Variants in CD5L observed in about 807,000 individuals in gnomAD.
The protein encoded by CD5L is CD5 molecule like.
In CD5L, 39 loss-of-function variants were observed where a neutral mutation model predicts 40.8. That is an observed-to-expected ratio of 0.96 (90% confidence interval 0.74 to 1.25). The LOEUF (loss-of-function observed/expected upper bound fraction) is 1.25. CD5L is among the 50% of genes most tolerant of loss of function. The pLI is 0.00. For synonymous variants in CD5L, 192 were observed against 169.6 expected (o/e 1.13, Z -1.03); for missense variants, 433 against 435.9 (o/e 0.99, Z 0.06).
chr1:157,831,781 G>T lies in CD5L; in HGVS notation c.*183C>A. 7.6e-7 allele frequency: 1 copy of T among 1,308,628 alleles called. No homozygotes were observed. The highest frequency in any genetic ancestry group is 9.8e-7 in the Non-Finnish European group (1 of 1,023,614). The allele number at this position is 1,308,628 out of a possible 1,614,324, so 81.1% of individuals were successfully genotyped here. A position where few individuals can be genotyped will look rare whatever the true frequency, so the allele number is the denominator to read the frequency against. ...GGAACTCAACAGCTCACATCTACAG[G>T]CAGCAATGGGGGCTGCTTGTCCCTG... On this transcript the variant is annotated 3_prime_UTR_variant, in exon 6 of 6. Transcript: ENST00000368174.
rs1270553188 is a variant in CD5L at position 157,834,708 on chromosome 1, C to T, written c.417G>A (p.Arg139=). The part of the protein sequence containing the change: ...SSFSPVPEGV[R]LADGPGHCKG... ...TGCAATGCCCAGGGCCGTCAGCCAGCCTGACACCCTCTGGGACTGGGGAGA... is the reference window on the plus strand; with the variant it reads ...TGCAATGCCCAGGGCCGTCAGCCAGTCTGACACCCTCTGGGACTGGGGAGA... Residue 139 remains arginine, a synonymous_variant, in exon 4 of 6, where the codon AGG becomes AGA. Coordinates refer to ENST00000368174, the MANE Select transcript of CD5L (RefSeq NM_005894.3). 1.2e-6 allele frequency: 2 copies of T among 1,614,016 alleles called. No individual in the cohort carries two copies. Among genetic ancestry groups the T allele is most frequent in the Non-Finnish European group, 8.5e-7 (1 of 1,180,020 alleles).
Position 157,834,628 on chromosome 1 carries a change from C to T in CD5L, c.497G>A (p.Gly166Asp), listed in dbSNP as rs772726189. The T allele has an allele frequency of 6.2e-7, 1 of 1,614,210 alleles. No homozygotes were observed. The highest frequency in any genetic ancestry group is 8.5e-7 in the Non-Finnish European group (1 of 1,180,036). ...QNQWYTVCQTGWSLRAAKVVC... is the reference protein window; with the variant it reads ...QNQWYTVCQTDWSLRAAKVVC... Reference sequence around the variant, plus strand: ...CACCTTTGCGGCCCGGAGGCTCCAGCCTGTCTGGCACACGGTATACCACTG... The same window carrying T: ...CACCTTTGCGGCCCGGAGGCTCCAGTCTGTCTGGCACACGGTATACCACTG... The change falls in exon 4 of 6, where the codon GGC (glycine) becomes GAC (aspartate). Residue 166 changes from glycine to aspartate, a missense_variant. Coordinates refer to ENST00000368174, the MANE Select transcript of CD5L (RefSeq NM_005894.3).
chr1:157,838,335 C>G (rs1359303246), intron 2 of CD5L, among the ~76,000 whole-genome samples: 2 of 152,160 alleles, frequency 1.3e-5, no homozygotes, highest in African/African-American at 4.8e-5. Flanking sequence ...TATCCAGAAA[C>G]GTTTTTATCT....
At position 157,834,526 on chromosome 1, in the gene CD5L, G is replaced by C; in HGVS notation, c.599C>G (p.Pro200Arg). 6.2e-7 allele frequency: 1 copy of C among 1,614,176 alleles called. No individual in the cohort carries two copies. Among genetic ancestry groups the C allele is most frequent in the Non-Finnish European group, 8.5e-7 (1 of 1,180,026 alleles). Residue 200 changes from proline to arginine, a missense_variant, in exon 4 of 6, where the codon CCC becomes CGC. By Grantham distance (103) the Pro-to-Arg change is moderately radical. Coordinates refer to ENST00000368174, the MANE Select transcript of CD5L (RefSeq NM_005894.3). ...RCNKHAYGRK[P>R]IWLSQMSCSG... ...GCATGACATCTGGCTCAGCCAGATGGGTTTTCGGCCATAGGCATGCTTGTT... is the reference window on the plus strand; with the variant it reads ...GCATGACATCTGGCTCAGCCAGATGCGTTTTCGGCCATAGGCATGCTTGTT...
chr1:157,833,228 A>T lies in CD5L; in HGVS notation c.1003T>A (p.Cys335Ser). The change falls in exon 5 of 6, where the codon TGC (cysteine) becomes AGC (serine). Residue 335 changes from cysteine to serine, a missense_variant. By Grantham distance (112) the Cys-to-Ser change is moderately radical. Transcript: ENST00000368174. ...ACAGCCACATCTTCCTGGTGGGTGC[A>T]GTCGTGAAACCCCCAAAATCTGTGC... The part of the protein sequence containing the change: ...CQHRFWGFHD[C>S]THQEDVAVIC... 1 of 1,614,084 alleles carries T rather than the reference A, an allele frequency of 6.2e-7. No individual in the cohort carries two copies. The highest frequency in any genetic ancestry group is 1.3e-5 in the African/African-American group (1 of 75,028).
At chr1:157,837,416 C>T (rs906823918) in intron 2 of CD5L, among the ~76,000 whole-genome samples, 2 of 152,106 alleles carry the variant, frequency 1.3e-5, no homozygotes, top group East Asian at 3.9e-4. Flanking sequence ...GAGTTCTGCC[C>T]TCAAGAAGCT....
downstream of CD5L, chr1:157,830,830 C>T (rs953775867): frequency 1.3e-5 from 7 of 526,726 alleles, no homozygotes; most frequent in African/African-American, 2.1e-5. Context: ...TTCTACCTAA[C>T]CCTGTTTAAG....
rs772702521 is a variant in CD5L, at chr1:157,834,504, T to C, written c.621A>G (p.Ser207=). The change falls in exon 4 of 6, where the codon TCA becomes TCG. Residue 207 remains serine, a synonymous_variant. Transcript: ENST00000368174. ...GRKPIWLSQM[S]CSGREATLQD... is the part of the protein sequence containing the mutation. Reference sequence around the variant, plus strand: ...GAAGGGTTGCTTCTCGTCCTGAGCATGACATCTGGCTCAGCCAGATGGGTT... The same window carrying C: ...GAAGGGTTGCTTCTCGTCCTGAGCACGACATCTGGCTCAGCCAGATGGGTT... The C allele has an allele frequency of 6.2e-6, 10 of 1,614,212 alleles. No homozygotes were observed. The highest frequency in any genetic ancestry group is 1.3e-5 in the African/African-American group (1 of 75,060).
chr1:157,836,230 T>A, intron 2 of CD5L, 75 bp from the exon 3 acceptor site: 1 of 1,203,692 alleles, frequency 8.3e-7, no homozygotes, highest in Non-Finnish European at 1.2e-6. Flanking sequence ...TCAGTCAATC[T>A]GGGACTCTTC....
Position 157,831,944 on chromosome 1 carries a change from G to T in CD5L, c.*20C>A. 1 of 1,580,632 alleles carries T rather than the reference G, an allele frequency of 6.3e-7. No homozygotes were observed. Among genetic ancestry groups the T allele is most frequent in the Non-Finnish European group, 8.6e-7 (1 of 1,165,472 alleles). On this transcript the variant is annotated 3_prime_UTR_variant, in exon 6 of 6. Coordinates refer to ENST00000368174, the MANE Select transcript of CD5L (RefSeq NM_005894.3). ...AGGGCAGGCGGGGCCAGGGGGGCCA[G>T]GTCAAGCAACACCAGGATACTATCC...
intron 1 of CD5L, among the ~76,000 whole-genome samples, chr1:157,839,840 G>A (rs923386641): frequency 2.0e-5 from 3 of 152,150 alleles, no homozygotes; most frequent in Non-Finnish European, 4.4e-5. Flanking sequence ...AGGGCAAAGG[G>A]GCAGGATATG....
intron 2 of CD5L, 77 bp downstream of exon 2, chr1:157,839,307 C>G: frequency 7.2e-7 from 1 of 1,393,654 alleles, no homozygotes; most frequent in Non-Finnish European, 1.0e-6. Flanking sequence ...AAGTCTTTCT[C>G]TGTGGCTCAA....
intron 5 of CD5L, among the ~76,000 whole-genome samples, chr1:157,832,510 C>T (rs924828011): frequency 6.6e-6 from 1 of 152,166 alleles, no homozygotes; most frequent in Non-Finnish European, 1.5e-5. Context: ...GAGTCAGCCA[C>T]GCAGCGGCTG....
At position 157,836,012 on chromosome 1, in the gene CD5L, A is replaced by T; in HGVS notation, c.199T>A (p.Cys67Ser). The T allele has an allele frequency of 6.2e-7, 1 of 1,614,210 alleles. No homozygotes were observed. The highest frequency in any genetic ancestry group is 8.5e-7 in the Non-Finnish European group (1 of 1,180,044). Residue 67 changes from cysteine to serine, a missense_variant, in exon 3 of 6, where the codon TGT becomes AGT. By Grantham distance (112) the Cys-to-Ser change is moderately radical. Transcript: ENST00000368174. The part of the protein sequence containing the change: ...DVAVLCRELG[C>S]GAASGTPSGI... The stretch of plus-strand genomic sequence containing the variant: ...CTAGGGGTTCCGCTGGCAGCTCCAC[A>T]GCCCAGCTCCCGGCACAACACAGCC...
chr1:157,841,077 C>G (rs958863704), intron 1 of CD5L, among the ~76,000 whole-genome samples: 1 of 152,094 alleles, frequency 6.6e-6, no homozygotes, highest in Non-Finnish European at 1.5e-5. Context: ...ATAATATTAT[C>G]CTCACTTCAT....
chr1:157,833,636 C>CAAA, intron 4 of CD5L, 124 bp from the exon 5 acceptor site: 5 of 761,610 alleles, frequency 6.6e-6, no homozygotes, highest in Non-Finnish European at 1.0e-5. Flanking sequence ...GACATCGTCT[C>CAAA]ACTCTGTTGC....
In CD5L at chr1:157,830,962, T is replaced by C; in HGVS notation, c.*1002A>G. The C allele has an allele frequency of 1.0e-6, 1 of 985,362 alleles. No homozygotes were observed. The highest frequency in any genetic ancestry group is 1.2e-6 in the Non-Finnish European group (1 of 829,862). 61.0% of individuals were successfully genotyped at this position (985,362 alleles called of 1,614,324 possible). A position where few individuals can be genotyped will look rare whatever the true frequency, so the allele number is the denominator to read the frequency against. The stretch of plus-strand genomic sequence containing the variant: ...TTAGATAAGTGTAAATGTGTAAATG[T>C]AGCCGTATAATAAGTACTCAGCCTA... On this transcript the variant is annotated 3_prime_UTR_variant, in exon 6 of 6. Coordinates refer to ENST00000368174, the MANE Select transcript of CD5L (RefSeq NM_005894.3).
chr1:157,835,361 TTCTATCA>T (rs1246035218), intron 3 of CD5L, among the ~76,000 whole-genome samples: 1 of 152,254 alleles, frequency 6.6e-6, no homozygotes, highest in Admixed American at 6.5e-5. Flanking sequence ...CTATGTATCT[TTCTATCA>T]TCTATCCACC....
At position 157,833,356 on chromosome 1, in the gene CD5L, G is replaced by C; in HGVS notation, c.875C>G (p.Ser292Cys). 1.9e-6 allele frequency: 3 copies of C among 1,614,214 alleles called. No homozygotes were observed. The highest frequency in any genetic ancestry group is 2.5e-6 in the Non-Finnish European group (3 of 1,180,038). The change falls in exon 5 of 6, where the codon TCT becomes TGT. Residue 292 changes from serine (S) to cysteine (C), a missense_variant. By Grantham distance (112) the Ser-to-Cys change is moderately radical (BLOSUM62 -1). Coordinates refer to ENST00000368174, the MANE Select transcript of CD5L (RefSeq NM_005894.3). Reference protein sequence around the residue: ...CKQLGCGKSLSPSFRDRKCYG... With the variant: ...CKQLGCGKSLCPSFRDRKCYG... The stretch of plus-strand genomic sequence containing the variant: ...GCATTTCCGGTCTCTGAAGGAGGGA[G>C]AGAGGGACTTCCCACAGCCCAGTTG...
Sources: allele counts gnomAD v4.1 joint callset (sites outside exome capture counted in the v4.1 genomes callset), GRCh38; gene constraint gnomAD v4.1.1; transcripts MANE v1.5; gene names NCBI Gene and HGNC (gene_info 2026-07-23, HGNC 2026-07-21).